GREM2: variants seen among roughly 807,000 people sequenced by gnomAD.
GREM2 encodes gremlin-2.
GREM2 carries 11 observed loss-of-function variants against 14.2 expected under a neutral mutation model. That is an observed-to-expected ratio of 0.78 (90% CI 0.49 to 1.28). The LOEUF is 1.28. GREM2 is among the 50% of genes most tolerant of loss of function. The probability of loss-of-function intolerance (pLI) is 0.00; values close to 1 mark genes in which losing one functional copy is unlikely to be tolerated. For missense variants in GREM2, 210 were observed against 218.5 expected, an observed-to-expected ratio of 0.96 and a Z score of 0.24; for synonymous variants, 98 against 97.6, an observed-to-expected ratio of 1.00 and a Z score of -0.02.
rs73113748 is a variant in GREM2 at position 240,546,689 on chromosome 1, A to G, written c.-1-53213T>C. ...GATGTACATCAGTTTCAGAGTTTTA[A>G]AAATATACTGCAATGTGTTAACACT... On this transcript the variant is annotated intron_variant, in intron 1 of 1. Coordinates refer to ENST00000318160, the MANE Select transcript of GREM2 (RefSeq NM_022469.4). 3.3e-3 allele frequency among the ~76,000 whole-genome samples: 503 copies of G among 152,338 alleles called. 1 individual carries two copies. Among genetic ancestry groups the G allele is most frequent in the African/African-American group, 0.011 (473 of 41,580 alleles).
At chr1:240,610,830 T>C (rs373953122) in intron 1 of GREM2, among the ~76,000 whole-genome samples, 34 of 152,294 alleles carry the variant, frequency 2.2e-4, no homozygotes, top group African/African-American at 7.5e-4. Context: ...GCGCTTTTCA[T>C]AGGGATTCAG....
At chr1:240,508,091 C>T (rs984603017) in intron 1 of GREM2, among the ~76,000 whole-genome samples, 1 of 152,118 alleles carries the variant, frequency 6.6e-6, no homozygotes, top group Admixed American at 6.5e-5. Context: ...GCTTGTTTCT[C>T]AAATAATTAA....
intron 1 of GREM2, among the ~76,000 whole-genome samples, chr1:240,521,436 TG>T (rs66786000): frequency 0.12 from 17,863 of 149,920 alleles, 1,848 homozygotes; most frequent in African/African-American, 0.27. Flanking sequence ...CCGGGCATGG[TG>T]AGGGGCGACT....
At chr1:240,563,105 GTA>G (rs1209510992) in intron 1 of GREM2, among the ~76,000 whole-genome samples, 7 of 150,922 alleles carry the variant, frequency 4.6e-5, no homozygotes, top group South Asian at 2.1e-4. Flanking sequence ...GTGTATGTGT[GTA>G]TGTGTGTATA....
intron 1 of GREM2, among the ~76,000 whole-genome samples, chr1:240,529,180 G>T (rs867793059): frequency 6.7e-5 from 10 of 148,914 alleles, no homozygotes; most frequent in Non-Finnish European, 1.3e-4. Context: ...TGGACCCAAT[G>T]ATGTCATTAA....
At chr1:240,601,947 A>T (rs1430670210) in intron 1 of GREM2, among the ~76,000 whole-genome samples, 1 of 152,042 alleles carries the variant, frequency 6.6e-6, no homozygotes, top group Non-Finnish European at 1.5e-5. Context: ...TTGTGTGTTA[A>T]AATACCTGGA....
intron 1 of GREM2, chr1:240,531,594 G>A (rs1678360966): frequency 1.1e-5 from 10 of 942,536 alleles, no homozygotes; most frequent in Non-Finnish European, 1.3e-5. Context: ...TAGTGGAGTT[G>A]GTGTGTGGTT....
chr1:240,517,760 T>C (rs552662432), intron 1 of GREM2, among the ~76,000 whole-genome samples: 3 of 152,300 alleles, frequency 2.0e-5, no homozygotes, highest in African/African-American at 7.2e-5. Context: ...GATAAATATA[T>C]GAGTCTGATC....
intron 1 of GREM2, among the ~76,000 whole-genome samples, chr1:240,580,458 TG>T (rs1261125744): frequency 6.6e-6 from 1 of 152,270 alleles, no homozygotes; most frequent in African/African-American, 2.4e-5. Flanking sequence ...TATATGTTCT[TG>T]TTTAAATAAT....
At chr1:240,514,983 A>C (rs1677922323) in intron 1 of GREM2, among the ~76,000 whole-genome samples, 1 of 152,220 alleles carries the variant, frequency 6.6e-6, no homozygotes, top group African/African-American at 2.4e-5. Context: ...AAACTGAACA[A>C]AACAAAACAT....
At position 240,559,340 on chromosome 1, in the gene GREM2, CTTTTTTTT is replaced by C. The variant is rs61006579; in HGVS notation, c.-2+52536_-2+52543del. Among the ~76,000 whole-genome samples the C allele has an allele frequency of 2.8e-4, 31 of 110,106 alleles. No homozygotes were observed. The East Asian group carries it at 7.4e-3, about 26-fold the overall frequency. The allele number at this position is 110,106 out of a possible 152,430, so 72.2% of individuals were successfully genotyped here. A position where few individuals can be genotyped will look rare whatever the true frequency, so the allele number is the denominator to read the frequency against. On this transcript the variant is annotated intron_variant, in intron 1 of 1. Transcript: ENST00000318160. ...ATCACCGCCAATCTCATCAAAAAGT[CTTTTTTTT>C]TTTTTTTTTTTTTGAGACAGAGTCT...
intron 1 of GREM2, among the ~76,000 whole-genome samples, chr1:240,572,784 A>G (rs1421256571): frequency 1.3e-5 from 2 of 152,186 alleles, no homozygotes; most frequent in Non-Finnish European, 2.9e-5. Flanking sequence ...TAGTGGTTGA[A>G]TTTCCATTGG....
chr1:240,557,583 A>G (rs76363755), intron 1 of GREM2, among the ~76,000 whole-genome samples: 16,214 of 152,114 alleles, frequency 0.11, 970 homozygotes, highest in African/African-American at 0.14. Context: ...TAATGAATCT[A>G]TTTTTTTGTT....
chr1:240,498,897 C>T (rs1332804530), intron 1 of GREM2, among the ~76,000 whole-genome samples: 1 of 152,176 alleles, frequency 6.6e-6, no homozygotes, highest in East Asian at 1.9e-4. Flanking sequence ...ACAAGGGGTG[C>T]CAGGACTGTA....
chr1:240,597,853 C>T (rs996041630), intron 1 of GREM2, among the ~76,000 whole-genome samples: 3 of 152,152 alleles, frequency 2.0e-5, no homozygotes, highest in African/African-American at 7.2e-5. Flanking sequence ...ACCCCCGAAA[C>T]ATTTTCTAAG....
At chr1:240,559,340 CTTTTTTTTT>C (rs61006579) in intron 1 of GREM2, among the ~76,000 whole-genome samples, 3 of 110,130 alleles carry the variant, frequency 2.7e-5, no homozygotes, top group Non-Finnish European at 5.5e-5. Context: ...ATCAAAAAGT[CTTTTTTTTT>C]TTTTTTTTTT....
In GREM2 at chr1:240,493,080, G is replaced by A. The variant is rs369785768; in HGVS notation, c.396C>T (p.Leu132=). 2.2e-5 allele frequency: 35 copies of A among 1,613,284 alleles called. No individual in the cohort carries two copies. The African/African-American group carries it at 4.1e-4, about 19-fold the overall frequency. ...CCAGGCCGGGGCACTCGAGCTCCAC[G>A]AGGACGGAGGTGACGCGCTGGGGCT... ...FCKPQRVTSV[L]VELECPGLDP... is the part of the protein sequence containing the mutation. Residue 132 remains leucine, a synonymous_variant, in exon 2 of 2, where the codon CTC becomes CTT. Transcript: ENST00000318160.
At chr1:240,510,379 A>G (rs1677796272) in intron 1 of GREM2, among the ~76,000 whole-genome samples, 3 of 148,172 alleles carry the variant, frequency 2.0e-5, no homozygotes, top group Admixed American at 6.7e-5. Context: ...CAAAAAAAAA[A>G]AAAAAAAAAA....
intron 1 of GREM2, among the ~76,000 whole-genome samples, chr1:240,601,229 C>T (rs926831244): frequency 1.3e-5 from 2 of 152,166 alleles, no homozygotes; most frequent in South Asian, 2.1e-4. Flanking sequence ...CGTAAGACAG[C>T]GCTATACAAC....
Sources: gnomAD v4.1 joint callset for allele counts (sites outside exome capture counted in the v4.1 genomes callset) on GRCh38, gnomAD v4.1.1 for gene constraint, MANE v1.5 for transcripts, NCBI Gene and HGNC (gene_info 2026-07-23, HGNC 2026-07-21) for gene names.